Variants in CCDC25 observed in about 807,000 individuals in gnomAD.
CCDC25 encodes the protein coiled-coil domain containing 25.
Under a neutral mutation model 35.3 loss-of-function variants are expected in CCDC25, and 16 were observed. That is an observed-to-expected ratio of 0.45 (90% CI 0.31 to 0.69). The LOEUF is 0.69. Ranked by LOEUF, CCDC25 falls within the 30% of genes least tolerant of loss-of-function variation. The pLI, the probability that CCDC25 is intolerant of heterozygous loss-of-function variation, is 0.06. For missense variants in CCDC25, 179 were observed against 250.7 expected (o/e 0.71, Z 1.93); for synonymous variants, 79 against 80.3 (o/e 0.98, Z 0.09).
chr8:27,764,343 T>C, intron 2 of CCDC25: 1 of 245,702 alleles, frequency 4.1e-6, no homozygotes, highest in South Asian at 3.5e-5. Context: ...TGATCACAGC[T>C]CACTGCAGCC....
rs1290845183 is a variant in CCDC25, at chr8:27,754,134, TA to T, written c.169-1548del. Among the ~76,000 whole-genome samples the T allele has an allele frequency of 9.2e-5, 14 of 151,966 alleles. No homozygotes were observed. In the East Asian group the frequency reaches 2.3e-3, roughly 25 times the overall value. Reference sequence around the variant, plus strand: ...ATTCCTAAGAATTATTCTAAGAAAATAATGAAAAACAAAAAACAAAAAATAA... The same window carrying T: ...ATTCCTAAGAATTATTCTAAGAAAATATGAAAAACAAAAAACAAAAAATAA... On this transcript the variant is annotated intron_variant, in intron 4 of 8. Transcript: ENST00000356537.
chr8:27,760,648 T>C (rs1804195207), intron 3 of CCDC25, among the ~76,000 whole-genome samples: 1 of 152,194 alleles, frequency 6.6e-6, no homozygotes, highest in Non-Finnish European at 1.5e-5. Flanking sequence ...ATCATTGTCC[T>C]CATACAGCTT....
Position 27,737,160 on chromosome 8 carries a change from C to G in CCDC25, c.598-915G>C, listed in dbSNP as rs894577458. Among the ~76,000 whole-genome samples, 15 of 152,126 alleles carry G rather than the reference C, an allele frequency of 9.9e-5. No individual in the cohort carries two copies. The highest frequency in any genetic ancestry group is 3.6e-4 in the African/African-American group (15 of 41,430). On this transcript the variant is annotated intron_variant, in intron 8 of 8. Coordinates refer to ENST00000356537, the MANE Select transcript of CCDC25 (RefSeq NM_018246.3). The surrounding 1 kb of genome is among the most constrained non-coding windows in gnomAD (Gnocchi z 4.6). Reference sequence around the variant, plus strand: ...ACTTAGTGGTTTTCTCTGTGGTTCTCTTCCATTAGCACGATGAACTGAAGC... The same window carrying G: ...ACTTAGTGGTTTTCTCTGTGGTTCTGTTCCATTAGCACGATGAACTGAAGC...
Position 27,752,540 on chromosome 8 carries a change from G to T in CCDC25, c.216C>A (p.Ala72=). The change falls in exon 5 of 9, where the codon GCC becomes GCA. Residue 72 remains alanine (A), a synonymous_variant. Transcript: ENST00000356537. ...GAATGCTATTGGCCTTCACAAGGTG[G>T]GCACAGTCCATCAGCACTTCCTTTG... ...DIPKEVLMDC[A]HLVKANSIQG... 6.2e-7 allele frequency: 1 copy of T among 1,613,572 alleles called. No homozygotes were observed. The highest frequency in any genetic ancestry group is 8.5e-7 in the Non-Finnish European group (1 of 1,179,696).
intron 4 of CCDC25, among the ~76,000 whole-genome samples, chr8:27,755,220 A>T (rs1044108555): frequency 6.6e-6 from 1 of 152,224 alleles, no homozygotes; most frequent in Non-Finnish European, 1.5e-5. Context: ...GGAAAATACA[A>T]GACGAGCCTG....
rs765455780 is a variant in CCDC25, at chr8:27,734,486, A to G, written c.*1730T>C. 3.3e-5 allele frequency: 5 copies of G among 152,214 alleles called. No homozygotes were observed. The highest frequency in any genetic ancestry group is 1.9e-4 in the East Asian group (1 of 5,200). The allele number at this position is 152,214 out of a possible 1,614,324, so 9.4% of individuals were successfully genotyped here. A position where few individuals can be genotyped will look rare whatever the true frequency, so the allele number is the denominator to read the frequency against. ...AGTTTGACCTGTGGGCAATCAACCTATAAGTCCTCAAAAGAAAATTTCCTT... is the reference window on the plus strand; with the variant it reads ...AGTTTGACCTGTGGGCAATCAACCTGTAAGTCCTCAAAAGAAAATTTCCTT... On this transcript the variant is annotated 3_prime_UTR_variant, in exon 9 of 9. Coordinates refer to ENST00000356537, the MANE Select transcript of CCDC25 (RefSeq NM_018246.3).
intron 7 of CCDC25, among the ~76,000 whole-genome samples, chr8:27,745,434 G>A (rs372392339): frequency 7.2e-5 from 11 of 152,128 alleles, no homozygotes; most frequent in Admixed American, 2.0e-4. Context: ...TTCTGGTTTC[G>A]ACATCTACAT....
chr8:27,735,827 A>T lies in CCDC25; in HGVS notation c.*389T>A, dbSNP rs1803203830. On this transcript the variant is annotated 3_prime_UTR_variant, in exon 9 of 9. Coordinates refer to ENST00000356537, the MANE Select transcript of CCDC25 (RefSeq NM_018246.3). ...CATGTTCTTCTTAACAGAAGTGAAGATTATTTTAAGAATATGAAAAGTGTT... is the reference window on the plus strand; with the variant it reads ...CATGTTCTTCTTAACAGAAGTGAAGTTTATTTTAAGAATATGAAAAGTGTT... The T allele has an allele frequency of 6.2e-6, 1 of 161,422 alleles. No individual in the cohort carries two copies. The highest frequency in any genetic ancestry group is 2.4e-5 in the African/African-American group (1 of 41,854). The allele number at this position is 161,422 out of a possible 1,614,324, so 10.0% of individuals were successfully genotyped here.
chr8:27,771,168 C>T (rs950801949), intron 1 of CCDC25, among the ~76,000 whole-genome samples: 1 of 152,178 alleles, frequency 6.6e-6, no homozygotes, highest in Non-Finnish European at 1.5e-5. Context: ...TTTAAATACA[C>T]AAACACCATT....
At chr8:27,750,953 G>A (rs936171887) in intron 5 of CCDC25, among the ~76,000 whole-genome samples, 1 of 152,152 alleles carries the variant, frequency 6.6e-6, no homozygotes, top group African/African-American at 2.4e-5. Flanking sequence ...TCATAGCAAC[G>A]ACCATTTTCT....
At chr8:27,736,854 C>T (rs1014270153) in intron 8 of CCDC25, among the ~76,000 whole-genome samples, 1 of 152,176 alleles carries the variant, frequency 6.6e-6, no homozygotes, top group African/African-American at 2.4e-5. Flanking sequence ...TATTGTGTGG[C>T]TTACAAGCAA....
chr8:27,769,711 AAGG>A (rs1804520234), intron 1 of CCDC25, among the ~76,000 whole-genome samples: 2 of 152,228 alleles, frequency 1.3e-5, no homozygotes, highest in Admixed American at 6.5e-5. Context: ...TGAGAAAAAT[AAGG>A]AGATGTCAGT....
intron 5 of CCDC25, among the ~76,000 whole-genome samples, chr8:27,749,984 T>C (rs1220042547): frequency 6.6e-6 from 1 of 152,260 alleles, no homozygotes; most frequent in East Asian, 1.9e-4. Context: ...GCAACTTTTC[T>C]GTATACCTGA....
At chr8:27,758,710 T>C (rs1804105279) in intron 3 of CCDC25, among the ~76,000 whole-genome samples, 1 of 152,248 alleles carries the variant, frequency 6.6e-6, no homozygotes, top group African/African-American at 2.4e-5. Flanking sequence ...GCCAGTTCTC[T>C]ATTTACAACA....
At chr8:27,753,998 G>A (rs934254144) in intron 4 of CCDC25, among the ~76,000 whole-genome samples, 1 of 151,988 alleles carries the variant, frequency 6.6e-6, no homozygotes, top group African/African-American at 2.4e-5. Flanking sequence ...AACCCAAAAG[G>A]GTTTTGGAAA....
intron 4 of CCDC25, 37 bp downstream of exon 4, chr8:27,756,682 G>T: frequency 7.0e-7 from 1 of 1,434,166 alleles, no homozygotes; most frequent in Non-Finnish European, 9.8e-7. Flanking sequence ...TGCATCATCA[G>T]GAGAAAAGTC....
intron 8 of CCDC25, among the ~76,000 whole-genome samples, chr8:27,738,601 G>GGTGTGTGTGTGTGT (rs35046025): frequency 1.3e-5 from 2 of 149,958 alleles, no homozygotes; most frequent in African/African-American, 4.9e-5. Flanking sequence ...TCGGTAGGTA[G>GGTGTGTGTGTGTGT]GTGTGTGTGT....
At chr8:27,754,998 C>T (rs1474522517) in intron 4 of CCDC25, among the ~76,000 whole-genome samples, 1 of 152,182 alleles carries the variant, frequency 6.6e-6, no homozygotes, top group Non-Finnish European at 1.5e-5. Flanking sequence ...CCAGTAGTAA[C>T]AGGCGCACCC....
chr8:27,768,422 A>G (rs2128948043), intron 1 of CCDC25, among the ~76,000 whole-genome samples: 1 of 152,138 alleles, frequency 6.6e-6, no homozygotes, highest in South Asian at 2.1e-4. Flanking sequence ...AAAATTAGTC[A>G]GCCGTAGTAG....
Sources: gnomAD v4.1 joint callset for allele counts (sites outside exome capture counted in the v4.1 genomes callset) on GRCh38, gnomAD v4.1.1 for gene constraint, Gnocchi (gnomAD v3.1) non-coding constraint, MANE v1.5 for transcripts, NCBI Gene and HGNC (gene_info 2026-07-23, HGNC 2026-07-21) for gene names.